TNFRSF13B: variants seen among roughly 807,000 people sequenced by gnomAD.
TNFRSF13B encodes the protein tumor necrosis factor receptor superfamily member 13B.
TNFRSF13B carries 34 observed loss-of-function variants against 24.0 expected under a neutral mutation model. That is an observed-to-expected ratio of 1.41 (90% CI 1.08 to 1.88). The LOEUF (loss-of-function observed/expected upper bound fraction) is 1.88, where lower values mean the gene tolerates loss of function less well. TNFRSF13B is among the 40% of genes most tolerant of loss of function. TNFRSF13B has a pLI of 0.00. For missense variants in TNFRSF13B, 415 were observed against 380.8 expected (o/e 1.09, Z -0.75); for synonymous variants, 173 against 150.3 (o/e 1.15, Z -1.10).
chr17:16,941,085 T>C (rs560993537), intron 3 of TNFRSF13B: 472 of 576,666 alleles, frequency 8.2e-4, no homozygotes, highest in Non-Finnish European at 9.6e-4. Context: ...AAATACAATA[T>C]AGATGCCATG....
chr17:16,958,916 C>G (rs4985720), intron 1 of TNFRSF13B, among the ~76,000 whole-genome samples: 128,297 of 151,942 alleles, frequency 0.84, 54,640 homozygotes, highest in East Asian at 1. Flanking sequence ...CTACCAGACA[C>G]ATAAATAAGA....
intron 2 of TNFRSF13B, among the ~76,000 whole-genome samples, chr17:16,950,929 C>T (rs1021488408): frequency 6.6e-6 from 1 of 152,216 alleles, no homozygotes; most frequent in Admixed American, 6.5e-5. Flanking sequence ...CTCCCTGCTC[C>T]CCAGCCCTTT....
At chr17:16,967,769 A>AAAAG (rs1177737921) in intron 1 of TNFRSF13B, among the ~76,000 whole-genome samples, 55 of 146,934 alleles carry the variant, frequency 3.7e-4, no homozygotes, top group African/African-American at 1.3e-3. Flanking sequence ...AAAAAAAAAA[A>AAAAG]AAAGAAAGAA....
intron 1 of TNFRSF13B, among the ~76,000 whole-genome samples, chr17:16,964,618 GGC>G (rs1213210990): frequency 6.6e-6 from 1 of 152,186 alleles, no homozygotes; most frequent in African/African-American, 2.4e-5. Context: ...TGGGATTACA[GGC>G]GTGAGCCACC....
rs1330415205 is a variant in TNFRSF13B at position 16,948,806 on chromosome 17, A to G, written c.377T>C (p.Val126Ala). The G allele has an allele frequency of 5.0e-6, 8 of 1,614,030 alleles. No individual in the cohort carries two copies. Among genetic ancestry groups the G allele is most frequent in the African/African-American group, 2.7e-5 (2 of 74,898 alleles). Reference protein sequence around the residue: ...PELRRQRSGEVENNSDNSGRY... With the variant: ...PELRRQRSGEAENNSDNSGRY... The stretch of plus-strand genomic sequence containing the variant: ...TCCCGAGTTGTCTGAATTGTTTTCA[A>G]CTTCTCCACTCCGCTGTCTCCTGAG... Residue 126 changes from valine (V) to alanine (A), a missense_variant, in exon 3 of 5, where the codon GTT (valine) becomes GCT (alanine). Coordinates refer to ENST00000261652, the MANE Select transcript of TNFRSF13B (RefSeq NM_012452.3).
chr17:16,948,589 T>A, intron 3 of TNFRSF13B, 149 bp downstream of exon 3: 1 of 1,150,010 alleles, frequency 8.7e-7, no homozygotes, highest in East Asian at 2.4e-5. Context: ...TTGTTTTTTT[T>A]ATCCTGGGAT....
chr17:16,964,895 T>C (rs1176327573), intron 1 of TNFRSF13B, among the ~76,000 whole-genome samples: 2 of 152,044 alleles, frequency 1.3e-5, no homozygotes, highest in Non-Finnish European at 2.9e-5. Flanking sequence ...CAACCTCAGT[T>C]TTCCTGACCT....
In TNFRSF13B at chr17:16,939,786, C is replaced by T; in HGVS notation, c.643G>A (p.Glu215Lys). Residue 215 changes from glutamate to lysine, a missense_variant, in exon 5 of 5, where the codon GAA becomes AAA. Glu to Lys is a moderately conservative substitution (Grantham distance 56, BLOSUM62 1). Coordinates refer to ENST00000261652, the MANE Select transcript of TNFRSF13B (RefSeq NM_012452.3). ...PAKSSQDHAM[E>K]AGSPVSTSPE... Reference sequence around the variant, plus strand: ...GATGTGCTCACAGGGCTGCCGGCTTCCATCGCGTGATCTGCAGAGGCGAGA... The same window carrying T: ...GATGTGCTCACAGGGCTGCCGGCTTTCATCGCGTGATCTGCAGAGGCGAGA... 4.3e-6 allele frequency: 7 copies of T among 1,611,598 alleles called. No homozygotes were observed. The highest frequency in any genetic ancestry group is 5.9e-6 in the Non-Finnish European group (7 of 1,179,260).
chr17:16,955,867 T>C (rs1317720681), intron 1 of TNFRSF13B, among the ~76,000 whole-genome samples: 1 of 152,262 alleles, frequency 6.6e-6, no homozygotes, highest in Non-Finnish European at 1.5e-5. Flanking sequence ...CACATGGTAG[T>C]GGCTACTTAC....
chr17:16,958,998 ACAG>A (rs1323175901), intron 1 of TNFRSF13B, among the ~76,000 whole-genome samples: 1 of 152,136 alleles, frequency 6.6e-6, no homozygotes, highest in African/African-American at 2.4e-5. Context: ...CAATGCAACA[ACAG>A]CAGAATACAC....
At chr17:16,942,124 A>T (rs975721741) in intron 3 of TNFRSF13B, among the ~76,000 whole-genome samples, 1 of 152,212 alleles carries the variant, frequency 6.6e-6, no homozygotes, top group South Asian at 2.1e-4. Flanking sequence ...CTAGGAGAAG[A>T]ATGGCTGGGT....
chr17:16,963,528 G>GTTTTGT (rs113941395), intron 1 of TNFRSF13B, among the ~76,000 whole-genome samples: 18,492 of 150,912 alleles, frequency 0.12, 1,224 homozygotes, highest in East Asian at 0.22. Context: ...TTCTTATCAA[G>GTTTTGT]TTTTGTTTTT....
rs79956513 is a variant in TNFRSF13B, at chr17:16,954,256, G to T, written c.62-1673C>A. Among the ~76,000 whole-genome samples, 9 of 152,238 alleles carry T rather than the reference G, an allele frequency of 5.9e-5. 1 individual carries two copies. In the East Asian group the frequency reaches 1.7e-3, roughly 29 times the overall value. ...CAAAAGGATTTTTAAAATTAGCCAC[G>T]TGCTGTAGTCCCAGCTATTCAGGAG... On this transcript the variant is annotated intron_variant, in intron 1 of 4. Transcript: ENST00000261652.
At position 16,972,115 on chromosome 17, in the gene TNFRSF13B, G is replaced by C; in HGVS notation, c.-40C>G. ...ATTACTAGTCTTAGATTTGATTAGT[G>C]CTTGGGCTGCACTTCCTGGGTTTTC... On this transcript the variant is annotated 5_prime_UTR_variant, in exon 1 of 5. Coordinates refer to ENST00000261652, the MANE Select transcript of TNFRSF13B (RefSeq NM_012452.3). 6.2e-7 allele frequency: 1 copy of C among 1,611,862 alleles called. No individual in the cohort carries two copies. Among genetic ancestry groups the C allele is most frequent in the Non-Finnish European group, 8.5e-7 (1 of 1,179,564 alleles).
intron 2 of TNFRSF13B, among the ~76,000 whole-genome samples, chr17:16,952,046 G>A (rs2143661798): frequency 6.6e-6 from 1 of 152,276 alleles, no homozygotes; most frequent in African/African-American, 2.4e-5. Flanking sequence ...GTACATGTGT[G>A]ATAAGTTCTG....
chr17:16,967,865 T>A (rs1378890396), intron 1 of TNFRSF13B, among the ~76,000 whole-genome samples: 1 of 146,270 alleles, frequency 6.8e-6, no homozygotes, highest in Non-Finnish European at 1.5e-5. Flanking sequence ...AGGCCAGGCA[T>A]GGTGGCTCAC....
chr17:16,948,578 A>G (rs1002041967), intron 3 of TNFRSF13B, among the ~76,000 whole-genome samples, 160 bp downstream of exon 3: 4 of 151,848 alleles, frequency 2.6e-5, no homozygotes, highest in Non-Finnish European at 4.4e-5. Context: ...TGTTGCCTAC[A>G]TTGTTTTTTT....
intron 1 of TNFRSF13B, among the ~76,000 whole-genome samples, chr17:16,958,121 C>T (rs904180875): frequency 4.6e-5 from 7 of 151,992 alleles, no homozygotes; most frequent in Admixed American, 2.0e-4. Context: ...CAGGGACATA[C>T]AGGAGCAAAG....
In TNFRSF13B at chr17:16,948,740, G is replaced by A. The variant is rs200173159; in HGVS notation, c.443C>T (p.Pro148Leu). Residue 148 changes from proline (P) to leucine (L), a missense_variant and splice_region_variant, in exon 3 of 5, where the codon CCA (proline) becomes CTA (leucine). Physicochemically the swap from Pro to Leu is moderately conservative, Grantham distance 98. Transcript: ENST00000261652. ...CAGGTTTGCCTTGGGTGGCTTACCT[G>A]GACTTGCTTCTGAGCCTCTGTGCTC... ...GLEHRGSEAS[P>L]ALPGLKLSAD... 4.6e-5 allele frequency: 74 copies of A among 1,613,792 alleles called. No homozygotes were observed. The highest frequency in any genetic ancestry group is 2.7e-4 in the Admixed American group (16 of 60,008).
Sources: gnomAD v4.1 joint callset for allele counts (sites outside exome capture counted in the v4.1 genomes callset) on GRCh38, gnomAD v4.1.1 for gene constraint, MANE v1.5 for transcripts, NCBI Gene and HGNC (gene_info 2026-07-23, HGNC 2026-07-21) for gene names.